CCDC88C: variants seen among roughly 807,000 people sequenced by gnomAD.
CCDC88C encodes protein Daple.
CCDC88C carries 131 observed loss-of-function variants against 198.8 expected under a neutral mutation model. The observed-to-expected ratio is 0.66, with a 90% CI of 0.57 to 0.76. The LOEUF is 0.76. CCDC88C is among the 30% of genes least tolerant of loss of function. CCDC88C has a pLI of 0.00. For synonymous variants in CCDC88C, 1,166 were observed against 1,114.7 expected, an observed-to-expected ratio of 1.05 and a Z score of -0.92; for missense variants, 2,553 against 2,631.6, an observed-to-expected ratio of 0.97 and a Z score of 0.65.
intron 22 of CCDC88C, among the ~76,000 whole-genome samples, chr14:91,294,538 G>A (rs191393287): frequency 1.3e-5 from 2 of 152,362 alleles, no homozygotes; most frequent in Non-Finnish European, 2.9e-5. Context: ...TGGCAACATG[G>A]CTACTGAGCA....
At chr14:91,370,392 AGG>A (rs1476805459) in intron 3 of CCDC88C, among the ~76,000 whole-genome samples, 2 of 152,216 alleles carry the variant, frequency 1.3e-5, no homozygotes, top group African/African-American at 4.8e-5. Flanking sequence ...GGAACCCGGC[AGG>A]GAGGGAACCA....
Position 91,308,331 on chromosome 14 carries a change from A to C in CCDC88C, c.3006+20T>G. On this transcript the variant is annotated intron_variant, in intron 17 of 29. Coordinates refer to ENST00000389857, the MANE Select transcript of CCDC88C (RefSeq NM_001080414.4). Reference sequence around the variant, plus strand: ...CTGAGAATGGGCAGCTGGGCCCCACAGTGCAACCTCCACACTCACCATCTG... The same window carrying C: ...CTGAGAATGGGCAGCTGGGCCCCACCGTGCAACCTCCACACTCACCATCTG... 4 of 1,613,016 alleles carry C rather than the reference A, an allele frequency of 2.5e-6. No homozygotes were observed. The highest frequency in any genetic ancestry group is 2.5e-6 in the Non-Finnish European group (3 of 1,179,060).
chr14:91,275,789 G>C (rs1388124500), intron 29 of CCDC88C, among the ~76,000 whole-genome samples: 1 of 149,544 alleles, frequency 6.7e-6, no homozygotes, highest in Non-Finnish European at 1.5e-5. Context: ...TGACAGGCAT[G>C]AGCCACCGCT....
chr14:91,315,709 T>C lies in CCDC88C; in HGVS notation c.1606A>G (p.Arg536Gly), dbSNP rs773272089. Residue 536 changes from arginine to glycine, a missense_variant, in exon 14 of 30, where the codon AGA becomes GGA. Transcript: ENST00000389857. Reference protein sequence around the residue: ...DLETLSEELIREKEQLQSDME... With the variant: ...DLETLSEELIGEKEQLQSDME... Reference sequence around the variant, plus strand: ...TCACTCTGCAGCTGCTCCTTCTCTCTGATCAGCTCCTCACTGAGGGTCTCC... The same window carrying C: ...TCACTCTGCAGCTGCTCCTTCTCTCCGATCAGCTCCTCACTGAGGGTCTCC... 2.4e-5 allele frequency: 39 copies of C among 1,613,734 alleles called. No individual in the cohort carries two copies. The highest frequency in any genetic ancestry group is 3.3e-5 in the Non-Finnish European group (39 of 1,179,812).
At chr14:91,375,103 G>A (rs1339700498) in intron 3 of CCDC88C, among the ~76,000 whole-genome samples, 1 of 152,210 alleles carries the variant, frequency 6.6e-6, no homozygotes. Flanking sequence ...TACTCTTCGA[G>A]TCTCCTTCTT....
intron 3 of CCDC88C, among the ~76,000 whole-genome samples, chr14:91,400,445 C>A (rs950952371): frequency 3.9e-5 from 6 of 152,254 alleles, no homozygotes; most frequent in African/African-American, 1.4e-4. Context: ...ACTGTGACCT[C>A]CGGATGGTTG....
intron 6 of CCDC88C, 156 bp downstream of exon 6, chr14:91,342,223 AG>A: frequency 2.2e-6 from 1 of 445,374 alleles, no homozygotes. Context: ...CTTTCCAAAT[AG>A]AATCAATGTG....
At chr14:91,285,851 A>G (rs1298248863) in intron 25 of CCDC88C, 3 of 1,260,500 alleles carry the variant, frequency 2.4e-6, no homozygotes. Context: ...ATTGTTATCA[A>G]TCGGATAACC....
chr14:91,373,374 A>C (rs189123584), intron 3 of CCDC88C, among the ~76,000 whole-genome samples: 1 of 152,282 alleles, frequency 6.6e-6, no homozygotes, highest in East Asian at 1.9e-4. Flanking sequence ...GCCTGGGGCC[A>C]AGCAGAACTT....
chr14:91,324,933 G>T lies in CCDC88C; in HGVS notation c.1198-10C>A, dbSNP rs1370940318. On this transcript the variant is annotated splice_polypyrimidine_tract_variant and intron_variant, in intron 11 of 29. Transcript: ENST00000389857. ...TATCTGTGTCCCGGTCCTGGGGCAA[G>T]CAAGAAGAGGCAAGAAGTGAGGCTG... 1 of 1,613,042 alleles carries T rather than the reference G, an allele frequency of 6.2e-7. No individual in the cohort carries two copies. Among genetic ancestry groups the T allele is most frequent in the East Asian group, 2.2e-5 (1 of 44,886 alleles).
chr14:91,339,188 C>T lies in CCDC88C; in HGVS notation c.809+90G>A. 2 of 1,471,494 alleles carry T rather than the reference C, an allele frequency of 1.4e-6. No individual in the cohort carries two copies. The highest frequency in any genetic ancestry group is 1.9e-6 in the Non-Finnish European group (2 of 1,070,316). The allele number at this position is 1,471,494 out of a possible 1,614,324, so 91.2% of individuals were successfully genotyped here. A position where few individuals can be genotyped will look rare whatever the true frequency, so the allele number is the denominator to read the frequency against. On this transcript the variant is annotated intron_variant, in intron 8 of 29. Transcript: ENST00000389857. This position sits in a 1 kb window ranked among gnomAD's most constrained non-coding sequence, Gnocchi z 5.8. The stretch of plus-strand genomic sequence containing the variant: ...CTCCGGGGCACACGTCAGAGCTGTG[C>T]CATTGGCAGCACCACACATGTGAGT...
chr14:91,376,080 A>G (rs537913661), intron 3 of CCDC88C, among the ~76,000 whole-genome samples: 1 of 152,284 alleles, frequency 6.6e-6, no homozygotes, highest in East Asian at 1.9e-4. Flanking sequence ...AGGAGACCTG[A>G]GGAGCTGGCA....
chr14:91,360,649 G>A (rs79879313), intron 3 of CCDC88C, among the ~76,000 whole-genome samples: 2,153 of 152,264 alleles, frequency 0.014, 12 homozygotes, highest in Non-Finnish European at 0.022. Context: ...CACAGGCGAT[G>A]AGCTGCCTTC....
chr14:91,390,941 G>C (rs1438856964), intron 3 of CCDC88C, among the ~76,000 whole-genome samples: 1 of 152,134 alleles, frequency 6.6e-6, no homozygotes, highest in Non-Finnish European at 1.5e-5. Context: ...AGGTTCCCAG[G>C]GTCCTTGGTT....
chr14:91,312,354 C>T (rs1891869620), intron 15 of CCDC88C, among the ~76,000 whole-genome samples: 1 of 151,996 alleles, frequency 6.6e-6, no homozygotes. Flanking sequence ...CACCACTGCA[C>T]TCCAGCCTGG....
chr14:91,385,420 G>A (rs1885072437), intron 3 of CCDC88C, among the ~76,000 whole-genome samples: 1 of 152,034 alleles, frequency 6.6e-6, no homozygotes, highest in Non-Finnish European at 1.5e-5. Context: ...GAAGGTGGGA[G>A]CCTCCTACAG....
At chr14:91,330,116 T>TAAG (rs979168307) in intron 10 of CCDC88C, among the ~76,000 whole-genome samples, 127 of 152,268 alleles carry the variant, frequency 8.3e-4, no homozygotes, top group African/African-American at 2.6e-3. Context: ...CAGGGGTCAG[T>TAAG]AAGGCACAGA....
At chr14:91,281,190 TG>T in intron 27 of CCDC88C, 1 of 786,402 alleles carries the variant, frequency 1.3e-6, no homozygotes, top group Non-Finnish European at 2.0e-6. Context: ...CTGGCCAGCC[TG>T]GAAGGGTGCT....
In CCDC88C at chr14:91,294,036, G is replaced by A. The variant is rs1011717223; in HGVS notation, c.4112+137C>T. The A allele has an allele frequency of 3.4e-6, 3 of 879,520 alleles. No individual in the cohort carries two copies. The African/African-American group carries it at 5.1e-5, about 15-fold the overall frequency. The allele number at this position is 879,520 out of a possible 1,614,324, so 54.5% of individuals were successfully genotyped here. ...GAAACTAAGGGCAGTCCGTGCTGGTGATCGGTCTGTGCCCTGCCCTCAGGA... is the reference window on the plus strand; with the variant it reads ...GAAACTAAGGGCAGTCCGTGCTGGTAATCGGTCTGTGCCCTGCCCTCAGGA... On this transcript the variant is annotated intron_variant, in intron 23 of 29. Transcript: ENST00000389857.
Sources: gnomAD v4.1 joint callset for allele counts (sites outside exome capture counted in the v4.1 genomes callset) on GRCh38, gnomAD v4.1.1 for gene constraint, Gnocchi (gnomAD v3.1) non-coding constraint, MANE v1.5 for transcripts, NCBI Gene and HGNC (gene_info 2026-07-23, HGNC 2026-07-21) for gene names.